GDPD2: variants seen among roughly 807,000 people sequenced by gnomAD.
GDPD2 encodes glycerophosphodiester phosphodiesterase domain containing 2, also known as glycerophosphodiester phosphodiesterase 3.
Under a neutral mutation model 49.2 loss-of-function variants are expected in GDPD2, and 23 were observed. The observed-to-expected ratio is 0.47, with a 90% CI of 0.34 to 0.66. The LOEUF (loss-of-function observed/expected upper bound fraction) is 0.66. Among genes scored for constraint, GDPD2 ranks in the 30% least tolerant of loss-of-function variants. The pLI is 0.01. For synonymous variants in GDPD2, 167 were observed against 171.4 expected (o/e 0.97, Z 0.20); for missense variants, 338 against 424.7 (o/e 0.80, Z 1.79).
chrX:70,427,198 T>G lies in GDPD2; in HGVS notation c.764T>G (p.Phe255Cys). 1 of 1,205,353 alleles carries G rather than the reference T, an allele frequency of 8.3e-7. No individual in the cohort carries two copies. The highest frequency in any genetic ancestry group is 1.1e-6 in the Non-Finnish European group (1 of 890,020). The change falls in exon 9 of 16, where the codon TTT becomes TGT. Residue 255 changes from phenylalanine to cysteine, a missense_variant. Physicochemically the swap from Phe to Cys is radical, Grantham distance 205. Coordinates refer to ENST00000374382, the MANE Select transcript of GDPD2 (RefSeq NM_017711.4). The part of the protein sequence containing the change: ...RKTAECGATV[F>C]ETDVMVSSDG... ...ACAGCTGAATGCGGAGCTACTGTGT[T>G]TGAGACTGATGTGATGGTCAGGTGA...
intron 3 of GDPD2, 31 bp downstream of exon 3, chrX:70,425,488 C>A: frequency 1.0e-6 from 1 of 983,551 alleles, no homozygotes; most frequent in Non-Finnish European, 1.5e-6. Context: ...GCTTCCCCAG[C>A]ATACCTGTCA....
chrX:70,432,181 T>C (rs2086483336), intron 12 of GDPD2, 126 bp from the exon 13 acceptor site: 3 of 536,932 alleles, frequency 5.6e-6, no homozygotes, highest in Non-Finnish European at 9.3e-6. Context: ...GGGGCTGCTA[T>C]GGAAAGGCAG....
Position 70,432,835 on chromosome X carries a change from G to A in GDPD2, c.1539-77G>A, listed in dbSNP as rs965406731. On this transcript the variant is annotated intron_variant, in intron 14 of 15. Transcript: ENST00000374382. ...GGCTTGAATGTAGGAAAGGCAGTTGGGGGGAGCAGGTGTGGGGGCTGGAAG... is the reference window on the plus strand; with the variant it reads ...GGCTTGAATGTAGGAAAGGCAGTTGAGGGGAGCAGGTGTGGGGGCTGGAAG... 36 of 846,170 alleles carry A rather than the reference G, an allele frequency of 4.3e-5. No individual in the cohort carries two copies. In the African/African-American group the frequency reaches 6.9e-4, roughly 16 times the overall value. The allele number at this position is 846,170 out of a possible 1,213,427, so 69.7% of individuals were successfully genotyped here. A position where few individuals can be genotyped will look rare whatever the true frequency, so the allele number is the denominator to read the frequency against.
intron 11 of GDPD2, 90 bp from the exon 12 acceptor site, chrX:70,429,825 C>A: frequency 1.8e-6 from 2 of 1,102,832 alleles, no homozygotes; most frequent in Non-Finnish European, 2.5e-6. Flanking sequence ...TCACATACCC[C>A]ATTCTGTGGT....
chrX:70,426,213 C>A, intron 5 of GDPD2, 102 bp downstream of exon 5: 1 of 835,676 alleles, frequency 1.2e-6, no homozygotes, highest in Non-Finnish European at 1.8e-6. Flanking sequence ...GGGGGTCAAG[C>A]CCAGGACCTG....
intron 7 of GDPD2, 54 bp from the exon 8 acceptor site, chrX:70,426,812 C>A (rs763758251): frequency 1.7e-6 from 2 of 1,187,190 alleles, no homozygotes; most frequent in Non-Finnish European, 2.3e-6. Context: ...TGCCTTCCAT[C>A]CCCAGAGCTC....
At chrX:70,431,081 C>T in intron 12 of GDPD2, 2 of 1,136,233 alleles carry the variant, frequency 1.8e-6, no homozygotes, top group Non-Finnish European at 2.3e-6. Context: ...AGCCACTGCC[C>T]CCCTCAGCCT....
At chrX:70,425,190 G>A (rs973256343) in intron 2 of GDPD2, 101 bp downstream of exon 2, 3 of 669,247 alleles carry the variant, frequency 4.5e-6, no homozygotes, top group Non-Finnish European at 7.1e-6. Flanking sequence ...TGGGGGAAGG[G>A]GCTCTCTCTC....
chrX:70,430,952 ATTTTTTT>A, intron 12 of GDPD2: 1 of 380,096 alleles, frequency 2.6e-6, no homozygotes, highest in African/African-American at 3.0e-5. Context: ...ATGCAAGGCT[ATTTTTTT>A]TTTTTTTTTT....
Position 70,429,658 on chromosome X carries a change from A to G in GDPD2, c.1102A>G (p.Thr368Ala). 8.3e-7 allele frequency: 1 copy of G among 1,210,274 alleles called. No individual in the cohort carries two copies. Among genetic ancestry groups the G allele is most frequent in the Non-Finnish European group, 1.1e-6 (1 of 894,679 alleles). The stretch of plus-strand genomic sequence containing the variant: ...CCCACAGAACCACACATACTATGAC[A>G]CTTTTGTGATCCAGACATTGGAGAC... ...RPPQNHTYYD[T>A]FVIQTLETVL... is the part of the protein sequence containing the mutation. Residue 368 changes from threonine (T) to alanine (A), a missense_variant, in exon 11 of 16, where the codon ACT becomes GCT. Thr to Ala is a moderately conservative substitution (Grantham distance 58). Transcript: ENST00000374382.
rs764305666 is a variant in GDPD2, at chrX:70,432,330, C to T, written c.1331C>T (p.Ser444Leu). Residue 444 changes from serine to leucine, a missense_variant, in exon 13 of 16, where the codon TCG becomes TTG. By Grantham distance (145) the Ser-to-Leu change is moderately radical. This residue lies in a region of GDPD2 where 253 missense variants were observed against 330.4 expected (regional missense o/e 0.77). Coordinates refer to ENST00000374382, the MANE Select transcript of GDPD2 (RefSeq NM_017711.4). ...AGGGCATTGCATAAGGATAATGTCT[C>T]GGTGAACCTATTTGTAGTGAACAAG... ...DIKALHKDNV[S>L]VNLFVVNKPW... The T allele has an allele frequency of 2.5e-6, 3 of 1,205,575 alleles. No individual in the cohort carries two copies. Among genetic ancestry groups the T allele is most frequent in the East Asian group, 3.0e-5 (1 of 33,732 alleles).
chrX:70,425,692 A>ACC, intron 3 of GDPD2, 71 bp from the exon 4 acceptor site: 2 of 550,228 alleles, frequency 3.6e-6, no homozygotes, highest in Admixed American at 4.9e-5. Flanking sequence ...GGATCCACCC[A>ACC]CCCCACCTCC....
chrX:70,431,436 C>T (rs754151676), intron 12 of GDPD2, among the ~76,000 whole-genome samples: 2 of 113,074 alleles, frequency 1.8e-5, no homozygotes, highest in East Asian at 5.6e-4. Context: ...TCAACAGGAA[C>T]ATGTGTGAAA....
At chrX:70,429,802 G>A in intron 11 of GDPD2, 88 bp downstream of exon 11, 1 of 1,067,060 alleles carries the variant, frequency 9.4e-7, no homozygotes, top group Middle Eastern at 2.5e-4. Flanking sequence ...TACCCCCAGG[G>A]CCCTGCCCCA....
chrX:70,426,892 T>A lies in GDPD2; in HGVS notation c.583T>A (p.Phe195Ile), dbSNP rs1247036260. 8.3e-7 allele frequency: 1 copy of A among 1,209,401 alleles called. No individual in the cohort carries two copies. Among genetic ancestry groups the A allele is most frequent in the South Asian group, 1.8e-5 (1 of 56,938 alleles). Residue 195 changes from phenylalanine to isoleucine, a missense_variant, in exon 8 of 16, where the codon TTT (phenylalanine) becomes ATT (isoleucine). Coordinates refer to ENST00000374382, the MANE Select transcript of GDPD2 (RefSeq NM_017711.4). ...TCCCAAGATTCTGCTACTGCTCCTA[T>A]TTTTTGGAGTTGTCCTGGTCATCTA... ...RGPKILLLLL[F>I]FGVVLVIYLA...
At chrX:70,430,578 G>A (rs2086466935) in intron 12 of GDPD2, among the ~76,000 whole-genome samples, 1 of 111,142 alleles carries the variant, frequency 9.0e-6, no homozygotes, top group Non-Finnish European at 1.9e-5. Flanking sequence ...TGTAGGCCAC[G>A]GGAAGGATTT....
intron 11 of GDPD2, 81 bp downstream of exon 11, chrX:70,429,795 C>A: frequency 9.5e-7 from 1 of 1,057,951 alleles, no homozygotes; most frequent in East Asian, 3.0e-5. Flanking sequence ...CTGCCCCTAC[C>A]CCCAGGGCCC....
Position 70,426,934 on chromosome X carries a change from A to G in GDPD2, c.625A>G (p.Ile209Val). 1 of 1,208,449 alleles carries G rather than the reference A, an allele frequency of 8.3e-7. No individual in the cohort carries two copies. The highest frequency in any genetic ancestry group is 1.1e-6 in the Non-Finnish European group (1 of 892,977). ...GGTCATCTACTTGGCCCCCCTATGC[A>G]TCTCCTCACCCTGCATCATGGAACC... ...VLVIYLAPLC[I>V]SSPCIMEPRD... The change falls in exon 8 of 16, where the codon ATC (isoleucine) becomes GTC (valine). Residue 209 changes from isoleucine to valine, a missense_variant. Around this residue, in one of 3 missense-constraint regions of GDPD2, gnomAD observed 253 missense variants for 330.4 expected, o/e 0.77. Transcript: ENST00000374382.
intron 12 of GDPD2, 82 bp downstream of exon 12, chrX:70,430,145 C>G: frequency 1.1e-6 from 1 of 871,170 alleles, no homozygotes. Context: ...AGCAAAGCCT[C>G]TTGATTCATT....
Sources: allele counts gnomAD v4.1 joint callset (sites outside exome capture counted in the v4.1 genomes callset), GRCh38; gene constraint gnomAD v4.1.1; regional missense constraint gnomAD v4.1.1; transcripts MANE v1.5; gene names NCBI Gene and HGNC (gene_info 2026-07-23, HGNC 2026-07-21).